Variants in DENND4C observed in about 807,000 individuals in gnomAD.
The protein encoded by DENND4C is DENN domain-containing protein 4C.
A neutral mutation model predicts 203.0 loss-of-function variants in DENND4C; 108 were observed. The observed-to-expected ratio is 0.53, with a 90% CI of 0.46 to 0.62. The LOEUF (loss-of-function observed/expected upper bound fraction) is 0.62. DENND4C is among the 20% of genes least tolerant of loss of function. The probability of loss-of-function intolerance (pLI) is 0.00; values close to 1 mark genes in which losing one functional copy is unlikely to be tolerated. For synonymous variants in DENND4C, 871 were observed against 792.4 expected, an observed-to-expected ratio of 1.10 and a Z score of -1.67; for missense variants, 2,481 against 2,301.2, an observed-to-expected ratio of 1.08 and a Z score of -1.60.
At chr9:19,298,293 G>A (rs1022174339) in intron 7 of DENND4C, among the ~76,000 whole-genome samples, 171 bp downstream of exon 7, 28 of 152,068 alleles carry the variant, frequency 1.8e-4, no homozygotes, top group African/African-American at 6.8e-4. Context: ...CTGGGTTTTG[G>A]ATTTGAGTGT....
chr9:19,336,354 G>A lies in DENND4C; in HGVS notation c.2674G>A (p.Ala892Thr), dbSNP rs201830285. The A allele has an allele frequency of 6.2e-7, 1 of 1,613,968 alleles. No homozygotes were observed. The highest frequency in any genetic ancestry group is 8.5e-7 in the Non-Finnish European group (1 of 1,179,950). Residue 892 changes from alanine to threonine, a missense_variant, in exon 19 of 33, where the codon GCA becomes ACA. Ala to Thr is a moderately conservative substitution (Grantham distance 58). Coordinates refer to ENST00000434457, the MANE Select transcript of DENND4C (RefSeq NM_001330640.2). ...GGTACGGAATGTGGTACGTGGCTTG[G>A]CACAGTTTAGGCAGCCGCTTAAAAA... Reference protein sequence around the residue: ...TKVRNVVRGLAQFRQPLKKTV... With the variant: ...TKVRNVVRGLTQFRQPLKKTV...
intron 10 of DENND4C, among the ~76,000 whole-genome samples, chr9:19,307,485 A>G (rs890445331): frequency 6.6e-6 from 1 of 151,712 alleles, no homozygotes; most frequent in African/African-American, 2.4e-5. Flanking sequence ...TTATTAAGAA[A>G]TAGGCCGGGC....
At chr9:19,323,785 G>A (rs1843280372) in intron 12 of DENND4C, among the ~76,000 whole-genome samples, 1 of 152,190 alleles carries the variant, frequency 6.6e-6, no homozygotes, top group African/African-American at 2.4e-5. Flanking sequence ...TTGTAGAGCT[G>A]GAGGTTCCTT....
intron 12 of DENND4C, 129 bp from the exon 13 acceptor site, chr9:19,324,233 C>G: frequency 1.7e-6 from 1 of 572,774 alleles, no homozygotes; most frequent in Non-Finnish European, 2.7e-6. Flanking sequence ...ATAGAAGCTT[C>G]TTTTTAAATA....
intron 1 of DENND4C, among the ~76,000 whole-genome samples, chr9:19,271,751 G>A (rs1831714860): frequency 6.6e-6 from 1 of 151,802 alleles, no homozygotes; most frequent in South Asian, 2.1e-4. Context: ...TGTAATCCCA[G>A]CTACTCGGGA....
chr9:19,262,076 CTTTTTTTTTTTTTTTTTTT>C (rs60223074), intron 1 of DENND4C, among the ~76,000 whole-genome samples: 5 of 55,448 alleles, frequency 9.0e-5, no homozygotes, highest in African/African-American at 2.4e-4. Flanking sequence ...TTTATTAGTT[CTTTTTTTTTTTTTTTTTTT>C]TTTTTTTTTT....
chr9:19,235,198 C>T (rs1264606886), intron 1 of DENND4C, among the ~76,000 whole-genome samples: 1 of 152,132 alleles, frequency 6.6e-6, no homozygotes, highest in Non-Finnish European at 1.5e-5. Context: ...CTCCTGACCT[C>T]AGGTGATCCA....
chr9:19,236,729 A>G (rs1259941998), intron 1 of DENND4C, among the ~76,000 whole-genome samples: 1 of 152,268 alleles, frequency 6.6e-6, no homozygotes, highest in South Asian at 2.1e-4. Context: ...CATAATACAA[A>G]CATTTCCTGT....
chr9:19,238,243 C>T (rs10964061), intron 1 of DENND4C, among the ~76,000 whole-genome samples: 76,358 of 151,132 alleles, frequency 0.51, 20,110 homozygotes, highest in South Asian at 0.58. Flanking sequence ...CCACCATGCC[C>T]GGCTAATATT....
chr9:19,298,298 GAGTGTACTGAATTGGAATAAT>G (rs751622231), intron 7 of DENND4C, among the ~76,000 whole-genome samples, 176 bp downstream of exon 7: 2 of 152,080 alleles, frequency 1.3e-5, no homozygotes, highest in Non-Finnish European at 2.9e-5. Context: ...TTTTGGATTT[GAGTGTACTGAATTGGAATAAT>G]TATAACCCTT....
intron 1 of DENND4C, among the ~76,000 whole-genome samples, chr9:19,270,018 T>A (rs1196210176): frequency 6.6e-6 from 1 of 152,210 alleles, no homozygotes; most frequent in East Asian, 1.9e-4. Context: ...CTTGTAGACT[T>A]ATAGCTGTAT....
At chr9:19,246,548 T>C (rs1230429246) in intron 1 of DENND4C, among the ~76,000 whole-genome samples, 2 of 151,924 alleles carry the variant, frequency 1.3e-5, no homozygotes, top group Non-Finnish European at 2.9e-5. Flanking sequence ...TGGGCATGTT[T>C]GTTTGTTTAT....
At chr9:19,250,671 T>G (rs186113560) in intron 1 of DENND4C, among the ~76,000 whole-genome samples, 4 of 152,292 alleles carry the variant, frequency 2.6e-5, no homozygotes, top group African/African-American at 9.6e-5. Context: ...GGCACAGGCA[T>G]TGGGTAAATA....
At chr9:19,340,242 T>G (rs1325945745) in intron 20 of DENND4C, among the ~76,000 whole-genome samples, 1 of 152,130 alleles carries the variant, frequency 6.6e-6, no homozygotes, top group Non-Finnish European at 1.5e-5. Context: ...AAAAAATAAT[T>G]TCAGAATTGT....
intron 30 of DENND4C, among the ~76,000 whole-genome samples, chr9:19,363,477 G>A (rs1476224280): frequency 1.3e-5 from 2 of 151,788 alleles, no homozygotes; most frequent in Admixed American, 1.3e-4. Context: ...ACTCCAGCCT[G>A]GGCGACAGAG....
At chr9:19,232,172 G>C (rs1820745120) in intron 1 of DENND4C, among the ~76,000 whole-genome samples, 1 of 152,144 alleles carries the variant, frequency 6.6e-6, no homozygotes, top group African/African-American at 2.4e-5. Context: ...TTGGTAAACT[G>C]CCGTCTTGCT....
chr9:19,354,251 A>G (rs1272657102), intron 26 of DENND4C, among the ~76,000 whole-genome samples: 3 of 152,186 alleles, frequency 2.0e-5, no homozygotes, highest in Admixed American at 6.5e-5. Context: ...CTCTGTTACT[A>G]CAAACACCAC....
Position 19,346,010 on chromosome 9 carries a change from A to G in DENND4C, c.3241A>G (p.Arg1081Gly). ...TACTAATCTCAAGAAGAATGGTGAT[A>G]GAGGAGAAAAAAGACAAAAGCATTT... The part of the protein sequence containing the change: ...EATNLKKNGD[R>G]GEKRQKHFPE... Residue 1081 changes from arginine (R) to glycine (G), a missense_variant, in exon 23 of 33, where the codon AGA becomes GGA. By Grantham distance (125) the Arg-to-Gly change is moderately radical. This residue lies in a region of DENND4C where 2,289 missense variants were observed against 2,113.3 expected (regional missense o/e 1.08). Transcript: ENST00000434457. 2 of 1,614,162 alleles carry G rather than the reference A, an allele frequency of 1.2e-6. No homozygotes were observed.
chr9:19,261,984 A>G (rs890031717), intron 1 of DENND4C, among the ~76,000 whole-genome samples: 2 of 150,120 alleles, frequency 1.3e-5, no homozygotes, highest in Non-Finnish European at 1.5e-5. Context: ...TTTCTTTTTC[A>G]GATGGGTCAT....
Sources: allele counts gnomAD v4.1 joint callset (sites outside exome capture counted in the v4.1 genomes callset), GRCh38; gene constraint gnomAD v4.1.1; regional missense constraint gnomAD v4.1.1; transcripts MANE v1.5; gene names NCBI Gene and HGNC (gene_info 2026-07-23, HGNC 2026-07-21).